EVC: variants seen among roughly 807,000 people sequenced by gnomAD.
EVC encodes evC complex member EVC.
A neutral mutation model predicts 118.9 loss-of-function variants in EVC; 116 were observed. That is an observed-to-expected ratio of 0.98 (90% CI 0.84 to 1.14). EVC has a LOEUF of 1.14. Among genes scored for constraint, EVC ranks in the 50% most tolerant of loss-of-function variants. EVC has a pLI of 0.00. For synonymous variants in EVC, 619 were observed against 534.7 expected (o/e 1.16, Z -2.18); for missense variants, 1,401 against 1,246.4 (o/e 1.12, Z -1.87).
rs1731115606 is a variant in EVC at position 5,756,014 on chromosome 4, G to C, written c.1465-250G>C. ...GAGGAGTGACAGAAGTGGTCCAGTG[G>C]CCCCTCCTCATCCTGGCTTTAACAA... On this transcript the variant is annotated intron_variant, in intron 10 of 20. Transcript: ENST00000264956. The surrounding 1 kb of genome is among the most constrained non-coding windows in gnomAD (Gnocchi z 4.2). 6.6e-6 allele frequency among the ~76,000 whole-genome samples: 1 copy of C among 152,176 alleles called. No homozygotes were observed. Among genetic ancestry groups the C allele is most frequent in the African/African-American group, 2.4e-5 (1 of 41,446 alleles).
At chr4:5,797,288 GC>G in intron 14 of EVC, 56 bp downstream of exon 14, 1 of 1,423,568 alleles carries the variant, frequency 7.0e-7, no homozygotes. Context: ...CCTGCAGCAG[GC>G]CCCAGCTTCC....
At chr4:5,780,232 G>A (rs1735374140) in intron 11 of EVC, among the ~76,000 whole-genome samples, 1 of 152,190 alleles carries the variant, frequency 6.6e-6, no homozygotes, top group Non-Finnish European at 1.5e-5. Context: ...TATCCACCAT[G>A]ATTTGAATGA....
chr4:5,715,332 A>C (rs1376391787), intron 1 of EVC, among the ~76,000 whole-genome samples: 1 of 152,208 alleles, frequency 6.6e-6, no homozygotes, highest in Non-Finnish European at 1.5e-5. Flanking sequence ...CAGCAGCATC[A>C]ATATCTTGGG....
chr4:5,724,700 A>G (rs1239932689), intron 2 of EVC, among the ~76,000 whole-genome samples: 3 of 144,850 alleles, frequency 2.1e-5, no homozygotes, highest in African/African-American at 5.3e-5. Context: ...TTTCCCTGTT[A>G]TTTTTTTTTT....
chr4:5,787,865 C>T (rs1044459613), intron 12 of EVC, among the ~76,000 whole-genome samples: 1 of 152,192 alleles, frequency 6.6e-6, no homozygotes, highest in African/African-American at 2.4e-5. Context: ...ATCATTTCAT[C>T]ACCAAGTCTG....
At chr4:5,780,868 A>G (rs1735498507) in intron 11 of EVC, among the ~76,000 whole-genome samples, 1 of 152,250 alleles carries the variant, frequency 6.6e-6, no homozygotes. Flanking sequence ...GGGAAAAGCT[A>G]CAAGGCGTAA....
At chr4:5,799,118 C>T (rs1260069022) in intron 15 of EVC, among the ~76,000 whole-genome samples, 2 of 152,106 alleles carry the variant, frequency 1.3e-5, no homozygotes, top group African/African-American at 4.8e-5. Context: ...GTGGCAGAAC[C>T]GGGATCGGAA....
intron 11 of EVC, among the ~76,000 whole-genome samples, chr4:5,759,524 C>G (rs1731685160): frequency 6.6e-6 from 1 of 152,190 alleles, no homozygotes; most frequent in African/African-American, 2.4e-5. Flanking sequence ...GTGGTTTCAG[C>G]AGCATTCTCC....
the EVC span, among the ~76,000 whole-genome samples, chr4:5,822,074 C>G: frequency 6.6e-6 from 1 of 152,226 alleles, no homozygotes; most frequent in African/African-American, 2.4e-5. Flanking sequence ...CCCTGACCAC[C>G]TTGTGGTGTT....
intron 11 of EVC, among the ~76,000 whole-genome samples, chr4:5,762,493 G>A (rs1180408790): frequency 2.3e-5 from 3 of 131,728 alleles, no homozygotes; most frequent in East Asian, 2.4e-4. Flanking sequence ...TTCCACAATG[G>A]TTGAACTAGT....
intron 1 of EVC, among the ~76,000 whole-genome samples, chr4:5,715,738 G>GCCCTTTTTTTTTTTTTTTTTTTTT (rs1464326534): frequency 1.7e-5 from 1 of 60,444 alleles, no homozygotes; most frequent in African/African-American, 8.6e-5. Context: ...TTTTTCCATT[G>GCCCTTTTTTTTTTTTTTTTTTTTT]TCTTTTTTTT....
At chr4:5,808,412 A>C (rs548040524) in intron 18 of EVC, 85 bp downstream of exon 18, 1 of 1,591,384 alleles carries the variant, frequency 6.3e-7, no homozygotes, top group Admixed American at 1.7e-5. Context: ...ACCACACGTC[A>C]GCCATGGGGA....
rs1560295730 is a variant in EVC at position 5,731,482 on chromosome 4, T to TGGA, written c.442_443insGGA (p.Leu148delinsTrpMet). On this transcript the variant is annotated protein_altering_variant, in exon 4 of 21. Transcript: ENST00000264956. This position sits in a 1 kb window ranked among gnomAD's most constrained non-coding sequence, Gnocchi z 5.6. ...GCATGAAAACTTAAAGCAGGCTGTTTTGCCACACCAGCCGGTAGAGGCCTC... is the reference window on the plus strand; with the variant it reads ...GCATGAAAACTTAAAGCAGGCTGTTTGGATGCCACACCAGCCGGTAGAGGCCTC... 7 of 1,613,474 alleles carry TGGA rather than the reference T, an allele frequency of 4.3e-6. No individual in the cohort carries two copies. Among genetic ancestry groups the TGGA allele is most frequent in the Non-Finnish European group, 5.9e-6 (7 of 1,179,924 alleles).
chr4:5,733,375 C>T lies in EVC; in HGVS notation c.642C>T (p.Tyr214=), dbSNP rs2151945971. ...GTGTAGACGTTGACCTGTGTATCTA[C>T]AGCCTTCACTTAAAAGACCTGCTGC... is the stretch of plus-strand genomic sequence containing the variant. The part of the protein sequence containing the change: ...CESVDVDLCI[Y]SLHLKDLLHL... The change falls in exon 5 of 21, where the codon TAC becomes TAT. Residue 214 remains tyrosine (Y), a synonymous_variant. Coordinates refer to ENST00000264956, the MANE Select transcript of EVC (RefSeq NM_153717.3). 1.9e-6 allele frequency: 3 copies of T among 1,614,054 alleles called. No homozygotes were observed. Among genetic ancestry groups the T allele is most frequent in the East Asian group, 2.2e-5 (1 of 44,890 alleles).
In EVC at chr4:5,743,502, C is replaced by G. The variant is rs1374881692; in HGVS notation, c.801+1688C>G. ...GCACCACCATCATCACCATCTTCAT[C>G]AGCACCACCATCACCACCTTTATCA... On this transcript the variant is annotated intron_variant, in intron 6 of 20. Coordinates refer to ENST00000264956, the MANE Select transcript of EVC (RefSeq NM_153717.3). The surrounding 1 kb of genome is among the most constrained non-coding windows in gnomAD (Gnocchi z 4.7). Among the ~76,000 whole-genome samples, 1 of 152,194 alleles carries G rather than the reference C, an allele frequency of 6.6e-6. No individual in the cohort carries two copies. The highest frequency in any genetic ancestry group is 1.5e-5 in the Non-Finnish European group (1 of 68,038).
At position 5,754,394 on chromosome 4, in the gene EVC, C is replaced by CAGG. The variant is rs1730862015; in HGVS notation, c.1464+465_1464+467dup. On this transcript the variant is annotated intron_variant, in intron 10 of 20. Transcript: ENST00000264956. The surrounding 1 kb of genome is among the most constrained non-coding windows in gnomAD (Gnocchi z 5.8). ...GCATGTGGGGTTGAGTGGTCAGGGC[C>CAGG]AGGAGGTGGCCAAGGTCAGAGGTAC... Among the ~76,000 whole-genome samples the CAGG allele has an allele frequency of 1.3e-5, 2 of 152,084 alleles. No individual in the cohort carries two copies. Among genetic ancestry groups the CAGG allele is most frequent in the African/African-American group, 4.8e-5 (2 of 41,396 alleles).
intron 11 of EVC, among the ~76,000 whole-genome samples, chr4:5,767,529 C>G (rs1422946109): frequency 2.6e-5 from 4 of 151,306 alleles, no homozygotes; most frequent in Admixed American, 2.6e-4. Flanking sequence ...TGATCTCAGA[C>G]TGCTGTGCTA....
chr4:5,824,590 C>T, the EVC span: 35 of 959,876 alleles, frequency 3.6e-5, no homozygotes, highest in Non-Finnish European at 4.2e-5. Context: ...TCCGGCCCAC[C>T]GCCTGTTTCT....
chr4:5,720,708 G>A (rs1020027569), intron 2 of EVC, among the ~76,000 whole-genome samples: 3 of 152,318 alleles, frequency 2.0e-5, no homozygotes, highest in African/African-American at 4.8e-5. Flanking sequence ...AACGTGGACG[G>A]GGGGAGAGAT....
Sources: allele counts gnomAD v4.1 joint callset (sites outside exome capture counted in the v4.1 genomes callset), GRCh38; gene constraint gnomAD v4.1.1; non-coding constraint Gnocchi (gnomAD v3.1); transcripts MANE v1.5; gene names NCBI Gene and HGNC (gene_info 2026-07-23, HGNC 2026-07-21).